Variants in SYNJ2 observed in about 807,000 individuals in gnomAD.
SYNJ2 encodes polyphosphatidylinositol phosphatase SYNJ2.
In SYNJ2, 116 loss-of-function variants were observed where a neutral mutation model predicts 141.3. The observed-to-expected ratio is 0.82, with a 90% CI of 0.71 to 0.96. SYNJ2 has a LOEUF of 0.96. Among genes scored for constraint, SYNJ2 ranks in the 40% least tolerant of loss-of-function variants. SYNJ2 has a pLI of 0.00. For synonymous variants in SYNJ2, 745 were observed against 777.7 expected (o/e 0.96, Z 0.70); for missense variants, 1,873 against 1,934.8 (o/e 0.97, Z 0.60).
intron 5 of SYNJ2, among the ~76,000 whole-genome samples, chr6:158,049,027 G>A (rs1261243069): frequency 6.6e-6 from 1 of 152,132 alleles, no homozygotes; most frequent in African/African-American, 2.4e-5. Context: ...GGTAGGAGTG[G>A]TGGGGTGCAG....
In SYNJ2 at chr6:158,059,880, A is replaced by G. The variant is rs370524220; in HGVS notation, c.954+527A>G. Among the ~76,000 whole-genome samples the G allele has an allele frequency of 7.2e-4, 109 of 152,256 alleles. 1 individual carries two copies. The highest frequency in any genetic ancestry group is 2.4e-3 in the African/African-American group (101 of 41,556). ...TAGTGAGTGTAATTTCTGTGAGCTG[A>G]TGGTTGGGAGAATTTGCTCAAAGTC... is the stretch of plus-strand genomic sequence containing the variant. On this transcript the variant is annotated intron_variant, in intron 7 of 26. Transcript: ENST00000355585.
intron 5 of SYNJ2, among the ~76,000 whole-genome samples, chr6:158,045,954 T>C (rs1022957116): frequency 5.9e-5 from 9 of 152,152 alleles, no homozygotes; most frequent in African/African-American, 2.2e-4. Context: ...TGTTTTGTTT[T>C]GTTTTTGAGA....
intron 1 of SYNJ2, among the ~76,000 whole-genome samples, chr6:157,996,384 A>T (rs1397465498): frequency 7.2e-5 from 11 of 151,926 alleles, no homozygotes. Context: ...CCTTTGAACT[A>T]GTCTCCTGGC....
intron 15 of SYNJ2, among the ~76,000 whole-genome samples, chr6:158,073,141 T>C (rs1393186189): frequency 6.6e-6 from 1 of 152,078 alleles, no homozygotes; most frequent in Admixed American, 6.5e-5. Flanking sequence ...AAAGGATTTA[T>C]AATGTAGTTC....
rs1449257927 is a variant in SYNJ2 at position 158,081,260 on chromosome 6, T to C, written c.2719T>C (p.Phe907Leu). Residue 907 changes from phenylalanine (F) to leucine (L), a missense_variant, in exon 19 of 27, where the codon TTT (phenylalanine) becomes CTT (leucine). Transcript: ENST00000355585. ...QSPTLEEKNEFPEDLRTELMQ... is the reference protein window; with the variant it reads ...QSPTLEEKNELPEDLRTELMQ... ...ACCGACCTTAGAAGAGAAAAACGAG[T>C]TTCCAGAGGACCTGCGTACTGAGCT... 8 of 1,613,836 alleles carry C rather than the reference T, an allele frequency of 5.0e-6. 1 individual carries two copies. The South Asian group carries it at 8.8e-5, about 18-fold the overall frequency.
rs1305831211 is a variant in SYNJ2, at chr6:157,994,120, A to G, written c.127+12032A>G. On this transcript the variant is annotated intron_variant, in intron 1 of 26. Transcript: ENST00000355585. ...CAGGTGTGAGCCACCACACCCAGCC[A>G]GTGTGTGGTCTTTTTTATCTGTCTG... 3.3e-5 allele frequency among the ~76,000 whole-genome samples: 5 copies of G among 152,068 alleles called. 1 individual carries two copies. In the East Asian group the frequency reaches 5.8e-4, roughly 18 times the overall value.
chr6:158,014,693 G>C (rs977711400), intron 1 of SYNJ2, among the ~76,000 whole-genome samples: 1 of 152,234 alleles, frequency 6.6e-6, no homozygotes, highest in Non-Finnish European at 1.5e-5. Flanking sequence ...CCGAGAACCA[G>C]CCTGGACAGA....
At chr6:158,020,418 G>GTGTGACCCCACCTA (rs1778705502) in intron 2 of SYNJ2, among the ~76,000 whole-genome samples, 1 of 151,174 alleles carries the variant, frequency 6.6e-6, no homozygotes, top group East Asian at 2.0e-4. Flanking sequence ...GACCCCACCT[G>GTGTGACCCCACCTA]TGTGACTCCA....
At chr6:158,037,562 C>T (rs951116353) in intron 4 of SYNJ2, among the ~76,000 whole-genome samples, 116 of 151,836 alleles carry the variant, frequency 7.6e-4, no homozygotes, top group African/African-American at 2.6e-3. Flanking sequence ...CCACCACGCC[C>T]GGCTAATTTT....
At chr6:157,985,002 T>G (rs1419172661) in intron 1 of SYNJ2, among the ~76,000 whole-genome samples, 1 of 152,214 alleles carries the variant, frequency 6.6e-6, no homozygotes, top group Admixed American at 6.5e-5. Flanking sequence ...CATAGCTGCT[T>G]TCCTAGGGGC....
chr6:158,047,137 G>C (rs1780282836), intron 5 of SYNJ2, among the ~76,000 whole-genome samples: 1 of 152,154 alleles, frequency 6.6e-6, no homozygotes, highest in Admixed American at 6.5e-5. Flanking sequence ...TAGTATAACA[G>C]TTTCAAAAAT....
intron 1 of SYNJ2, among the ~76,000 whole-genome samples, chr6:158,008,985 G>A (rs1189963833): frequency 4.6e-5 from 7 of 151,836 alleles, no homozygotes; most frequent in African/African-American, 9.7e-5. Flanking sequence ...TGCCCGCCTC[G>A]CTGGGGCTTG....
intron 3 of SYNJ2, among the ~76,000 whole-genome samples, chr6:158,031,620 G>A (rs1039611117): frequency 4.0e-5 from 6 of 151,658 alleles, no homozygotes; most frequent in Admixed American, 6.6e-5. Flanking sequence ...GTGGCGCAGC[G>A]TGAGGTCTGG....
rs143018650 is a variant in SYNJ2 at position 158,081,581 on chromosome 6, T to C, written c.2865+71T>C. The C allele has an allele frequency of 7.7e-4, 808 of 1,053,132 alleles. 14 individuals carry two copies. In the East Asian group the frequency reaches 0.016, roughly 21 times the overall value. 65.2% of individuals were successfully genotyped at this position (1,053,132 alleles called of 1,614,324 possible). A position where few individuals can be genotyped will look rare whatever the true frequency, so the allele number is the denominator to read the frequency against. ...CTCTTTTTATGTGGGCATGTCTTCT[T>C]CCTCCTCTTGCCCTGACCTGTGCCT... On this transcript the variant is annotated intron_variant, in intron 20 of 26. Coordinates refer to ENST00000355585, the MANE Select transcript of SYNJ2 (RefSeq NM_003898.4).
rs1380655693 is a variant in SYNJ2 at position 158,028,840 on chromosome 6, C to G, written c.299C>G (p.Thr100Ser). Residue 100 changes from threonine (T) to serine (S), a missense_variant, in exon 3 of 27, where the codon ACT becomes AGT. Physicochemically the swap from Thr to Ser is moderately conservative, Grantham distance 58 (BLOSUM62 1). Coordinates refer to ENST00000355585, the MANE Select transcript of SYNJ2 (RefSeq NM_003898.4). ...RIPDAEIYKI[T>S]ATDFYPLQEE... ...CCAGATGCTGAAATCTACAAAATCA[C>G]TGCCACTGACTTTTACCCTCTTCAG... 6.2e-7 allele frequency: 1 copy of G among 1,614,212 alleles called. No individual in the cohort carries two copies. The highest frequency in any genetic ancestry group is 2.2e-5 in the East Asian group (1 of 44,892).
At position 158,083,482 on chromosome 6, in the gene SYNJ2, T is replaced by C; in HGVS notation, c.2919T>C (p.Gly973=). The C allele has an allele frequency of 6.2e-7, 1 of 1,614,044 alleles. No homozygotes were observed. Among genetic ancestry groups the C allele is most frequent in the South Asian group, 1.1e-5 (1 of 91,058 alleles). ...IRPKTKDWLK[G]LREEIIRKRD... ...CGAAGACCAAGGACTGGCTGAAAGG[T>C]TTGCGAGAGGAGATCATTCGGAAAC... is the stretch of plus-strand genomic sequence containing the variant. The change falls in exon 21 of 27, where the codon GGT becomes GGC. Residue 973 remains glycine, a synonymous_variant. Transcript: ENST00000355585.
intron 2 of SYNJ2, 117 bp downstream of exon 2, chr6:158,017,407 T>TC (rs1778519275): frequency 5.3e-6 from 1 of 188,282 alleles, no homozygotes; most frequent in South Asian, 1.3e-4. Flanking sequence ...TCTCTCTTCT[T>TC]TTTTTTTTTT....
Position 158,076,593 on chromosome 6 carries a change from C to T in SYNJ2, c.2293-33C>T, listed in dbSNP as rs181410298. The T allele has an allele frequency of 2.0e-4, 320 of 1,597,998 alleles. 1 individual carries two copies. In the South Asian group the frequency reaches 2.6e-3, roughly 13 times the overall value. ...ATATAACATTCAGGATCGAAAACTA[C>T]GGTGGCCTGATGACTTCTTTTTCTC... On this transcript the variant is annotated intron_variant, in intron 16 of 26. Coordinates refer to ENST00000355585, the MANE Select transcript of SYNJ2 (RefSeq NM_003898.4).
At position 158,063,786 on chromosome 6, in the gene SYNJ2, C is replaced by A; in HGVS notation, c.1128-5C>A. On this transcript the variant is annotated splice_polypyrimidine_tract_variant and splice_region_variant and intron_variant, in intron 8 of 26. Coordinates refer to ENST00000355585, the MANE Select transcript of SYNJ2 (RefSeq NM_003898.4). ...ATAACCGTTTACATTTCTTCTTGTC[C>A]TAAGTTTTCAGAAAGGCACTTTGCG... 6.2e-7 allele frequency: 1 copy of A among 1,605,428 alleles called. No homozygotes were observed. The highest frequency in any genetic ancestry group is 1.1e-5 in the South Asian group (1 of 90,912).
Sources: allele counts gnomAD v4.1 joint callset (sites outside exome capture counted in the v4.1 genomes callset), GRCh38; gene constraint gnomAD v4.1.1; transcripts MANE v1.5; gene names NCBI Gene and HGNC (gene_info 2026-07-23, HGNC 2026-07-21).